GALNT2: variants seen among roughly 807,000 people sequenced by gnomAD.
The protein encoded by GALNT2 is polypeptide N-acetylgalactosaminyltransferase 2, also known as UDP-GalNAc:polypeptide N-acetylgalactosaminyltransferase 2.
In GALNT2, 31 loss-of-function variants were observed where a neutral mutation model predicts 81.4. That is an observed-to-expected ratio of 0.38 (90% CI 0.29 to 0.51). The LOEUF (loss-of-function observed/expected upper bound fraction) is 0.51, where lower values mean the gene tolerates loss of function less well. Ranked by LOEUF, GALNT2 falls within the 20% of genes least tolerant of loss-of-function variation. The pLI, the probability that GALNT2 is intolerant of heterozygous loss-of-function variation, is 0.87. For synonymous variants in GALNT2, 303 were observed against 287.4 expected (o/e 1.05, Z -0.55); for missense variants, 629 against 765.7 (o/e 0.82, Z 2.11).
chr1:230,278,074 T>C (rs1363972533), intron 15 of GALNT2, among the ~76,000 whole-genome samples: 1 of 151,220 alleles, frequency 6.6e-6, no homozygotes, highest in East Asian at 1.9e-4. Context: ...AGAACAAACA[T>C]TAGAGATTTT....
intron 1 of GALNT2, among the ~76,000 whole-genome samples, chr1:230,127,072 G>A (rs1268328995): frequency 6.6e-6 from 1 of 152,116 alleles, no homozygotes; most frequent in Non-Finnish European, 1.5e-5. Context: ...ACTGCTTTTA[G>A]CACCTGGGGA....
At position 230,187,653 on chromosome 1, in the gene GALNT2, C is replaced by T. The variant is rs568385010; in HGVS notation, c.220+9342C>T. The stretch of plus-strand genomic sequence containing the variant: ...CCCTCTTGGTACCTGAATTCTCGTC[C>T]GGTGTCCAGGAAGAATCAAGTTGTG... On this transcript the variant is annotated intron_variant, in intron 2 of 15. Transcript: ENST00000366672. Among the ~76,000 whole-genome samples, 55 of 152,282 alleles carry T rather than the reference C, an allele frequency of 3.6e-4. 1 individual carries two copies. The South Asian group carries it at 5.4e-3, about 15-fold the overall frequency.
intron 10 of GALNT2, among the ~76,000 whole-genome samples, chr1:230,254,106 G>GT (rs1665632982): frequency 6.6e-6 from 1 of 152,154 alleles, no homozygotes. Context: ...AAGAAAAACT[G>GT]TTTTTTGCCT....
chr1:230,121,742 A>G (rs950319005), intron 1 of GALNT2, among the ~76,000 whole-genome samples: 1 of 152,098 alleles, frequency 6.6e-6, no homozygotes, highest in African/African-American at 2.4e-5. Flanking sequence ...CAGCAGCCCC[A>G]GGAGGATGAG....
chr1:230,188,395 ACG>A (rs1290301505), intron 2 of GALNT2, among the ~76,000 whole-genome samples: 1 of 152,212 alleles, frequency 6.6e-6, no homozygotes, highest in Non-Finnish European at 1.5e-5. Context: ...ACCTGGGAGC[ACG>A]GGATCTGGGT....
intron 1 of GALNT2, among the ~76,000 whole-genome samples, chr1:230,114,763 C>A (rs572974942): frequency 6.6e-6 from 1 of 152,260 alleles, no homozygotes; most frequent in South Asian, 2.1e-4. Flanking sequence ...GCATTAATGG[C>A]AGTAAAGATG....
At chr1:230,068,098 C>G (rs1473595587) in intron 1 of GALNT2, among the ~76,000 whole-genome samples, 3 of 152,264 alleles carry the variant, frequency 2.0e-5, no homozygotes, top group African/African-American at 7.2e-5. Context: ...CCCGCGCGAG[C>G]CGGACGTGGC....
chr1:230,244,600 AG>A (rs1665308474), intron 7 of GALNT2, among the ~76,000 whole-genome samples: 1 of 152,056 alleles, frequency 6.6e-6, no homozygotes, highest in South Asian at 2.1e-4. Context: ...CACCGAGCTC[AG>A]TGGTCAGATT....
chr1:230,149,373 G>T (rs1423116116), intron 1 of GALNT2, among the ~76,000 whole-genome samples: 2 of 152,144 alleles, frequency 1.3e-5, no homozygotes, highest in African/African-American at 4.8e-5. Flanking sequence ...GATGGTTGCT[G>T]CCTGCTTGCT....
intron 3 of GALNT2, among the ~76,000 whole-genome samples, chr1:230,233,809 A>G (rs1161165532): frequency 6.6e-6 from 1 of 152,220 alleles, no homozygotes; most frequent in Non-Finnish European, 1.5e-5. Flanking sequence ...ATGAGACTCA[A>G]AGAAGGGCCA....
intron 1 of GALNT2, among the ~76,000 whole-genome samples, chr1:230,131,312 G>A (rs1661361015): frequency 6.6e-6 from 1 of 152,156 alleles, no homozygotes; most frequent in Non-Finnish European, 1.5e-5. Context: ...CACTTCCACA[G>A]GCCAGATGCT....
intron 1 of GALNT2, among the ~76,000 whole-genome samples, chr1:230,153,271 A>G (rs1297156762): frequency 6.6e-6 from 1 of 152,158 alleles, no homozygotes; most frequent in East Asian, 1.9e-4. Flanking sequence ...GAGAATGAAA[A>G]TGAATAGGCC....
intron 3 of GALNT2, among the ~76,000 whole-genome samples, chr1:230,229,193 CT>C (rs1265461834): frequency 6.6e-6 from 1 of 152,192 alleles, no homozygotes; most frequent in Non-Finnish European, 1.5e-5. Context: ...TTTTGCAATG[CT>C]TCTGGCTGAC....
intron 1 of GALNT2, among the ~76,000 whole-genome samples, chr1:230,150,106 C>T (rs911324432): frequency 1.3e-5 from 2 of 152,356 alleles, no homozygotes; most frequent in Admixed American, 1.3e-4. Flanking sequence ...GAGGCAGAGA[C>T]CTAGGAGGGT....
intron 1 of GALNT2, among the ~76,000 whole-genome samples, chr1:230,116,819 C>A (rs1488295284): frequency 1.3e-5 from 2 of 152,182 alleles, no homozygotes; most frequent in Non-Finnish European, 1.5e-5. Context: ...AGAGCACAGG[C>A]AGAGTAGATT....
chr1:230,099,096 G>T (rs1660330009), intron 1 of GALNT2, among the ~76,000 whole-genome samples: 1 of 152,174 alleles, frequency 6.6e-6, no homozygotes, highest in South Asian at 2.1e-4. Context: ...TTGAGGAGTT[G>T]GCCCTCCCTA....
At chr1:230,165,343 T>G (rs1353293413) in intron 1 of GALNT2, among the ~76,000 whole-genome samples, 1 of 152,254 alleles carries the variant, frequency 6.6e-6, no homozygotes, top group Non-Finnish European at 1.5e-5. Flanking sequence ...CGCATAGTAT[T>G]CTTTGAAGGG....
chr1:230,270,062 A>G (rs1218762777), intron 14 of GALNT2, among the ~76,000 whole-genome samples: 1 of 152,114 alleles, frequency 6.6e-6, no homozygotes, highest in Non-Finnish European at 1.5e-5. Flanking sequence ...TTAGCTGGGC[A>G]TGGTAGTGGG....
intron 1 of GALNT2, among the ~76,000 whole-genome samples, chr1:230,141,772 G>A (rs900418896): frequency 8.3e-5 from 11 of 132,660 alleles, no homozygotes; most frequent in African/African-American, 1.6e-4. Context: ...TCAAGACCCC[G>A]CTTTCTTTTG....
Sources: allele counts gnomAD v4.1 joint callset (sites outside exome capture counted in the v4.1 genomes callset), GRCh38; gene constraint gnomAD v4.1.1; transcripts MANE v1.5; gene names NCBI Gene and HGNC (gene_info 2026-07-23, HGNC 2026-07-21).